The following TMEM135 variants were observed in gnomAD, a reference collection of about 807,000 sequenced individuals.
TMEM135 encodes transmembrane protein 135.
TMEM135 carries 30 observed loss-of-function variants against 60.3 expected under a neutral mutation model. The observed-to-expected ratio is 0.50, with a 90% CI of 0.37 to 0.68. The LOEUF (loss-of-function observed/expected upper bound fraction) is 0.68. TMEM135 is among the 30% of genes least tolerant of loss of function. The pLI is 0.00. For synonymous variants in TMEM135, 190 were observed against 186.7 expected (o/e 1.02, Z -0.14); for missense variants, 468 against 548.8 (o/e 0.85, Z 1.47).
intron 5 of TMEM135, among the ~76,000 whole-genome samples, chr11:87,165,706 C>A (rs1309632866): frequency 1.3e-5 from 2 of 151,396 alleles, no homozygotes; most frequent in Non-Finnish European, 2.9e-5. Context: ...CAAATACATT[C>A]AAAAGCTAGC....
intron 4 of TMEM135, among the ~76,000 whole-genome samples, chr11:87,126,772 A>C (rs890626963): frequency 1.3e-5 from 2 of 152,150 alleles, no homozygotes; most frequent in Non-Finnish European, 2.9e-5. Flanking sequence ...ATTACCTTTA[A>C]TGAAGGCTGG....
chr11:87,320,050 A>G (rs1297836601), intron 14 of TMEM135, among the ~76,000 whole-genome samples: 1 of 152,224 alleles, frequency 6.6e-6, no homozygotes, highest in Non-Finnish European at 1.5e-5. Context: ...GGTAAATTGC[A>G]TGTATGAATT....
At chr11:87,088,338 C>G (rs1278793891) in intron 3 of TMEM135, among the ~76,000 whole-genome samples, 3 of 152,190 alleles carry the variant, frequency 2.0e-5, no homozygotes, top group African/African-American at 7.2e-5. Flanking sequence ...CCAGTTGTGT[C>G]TTGTTGCAAA....
intron 6 of TMEM135, among the ~76,000 whole-genome samples, chr11:87,256,621 G>A (rs868235174): frequency 2.0e-5 from 3 of 152,144 alleles, no homozygotes; most frequent in Non-Finnish European, 4.4e-5. Context: ...TATTTTAGAG[G>A]ACAATGGCCT....
intron 6 of TMEM135, among the ~76,000 whole-genome samples, chr11:87,273,239 C>T (rs534211345): frequency 5.3e-5 from 8 of 152,220 alleles, no homozygotes; most frequent in Admixed American, 4.6e-4. Context: ...AGACACTTTG[C>T]TAAGCCTCCT....
At chr11:87,288,373 C>T (rs1350747154) in intron 6 of TMEM135, among the ~76,000 whole-genome samples, 1 of 152,060 alleles carries the variant, frequency 6.6e-6, no homozygotes, top group East Asian at 1.9e-4. Context: ...CTCTTTGAAC[C>T]TTTGCATGAA....
At chr11:87,220,312 A>G (rs1291177643) in intron 5 of TMEM135, among the ~76,000 whole-genome samples, 1 of 152,206 alleles carries the variant, frequency 6.6e-6, no homozygotes, top group African/African-American at 2.4e-5. Context: ...ATATATAAAC[A>G]TACCTCATTT....
chr11:87,172,061 A>T (rs1434482360), intron 5 of TMEM135, among the ~76,000 whole-genome samples: 1 of 152,102 alleles, frequency 6.6e-6, no homozygotes, highest in Non-Finnish European at 1.5e-5. Flanking sequence ...TGCTTAATTA[A>T]GCCTTTAAAG....
At chr11:87,081,373 G>A (rs1856989818) in intron 3 of TMEM135, among the ~76,000 whole-genome samples, 1 of 151,372 alleles carries the variant, frequency 6.6e-6, no homozygotes, top group South Asian at 2.1e-4. Context: ...TTGCTCTATA[G>A]ACTACAATAT....
chr11:87,107,428 C>T (rs559527442), intron 4 of TMEM135, among the ~76,000 whole-genome samples: 34 of 146,834 alleles, frequency 2.3e-4, no homozygotes, highest in African/African-American at 7.2e-4. Context: ...CCCCACCCCA[C>T]GACAAGCCCT....
chr11:87,133,627 C>T (rs1938001157), intron 4 of TMEM135, among the ~76,000 whole-genome samples: 1 of 152,014 alleles, frequency 6.6e-6, no homozygotes, highest in Non-Finnish European at 1.5e-5. Flanking sequence ...AAACTGTTAC[C>T]ACACTCAAGG....
chr11:87,098,543 A>C (rs1389741754), intron 4 of TMEM135, among the ~76,000 whole-genome samples: 1 of 152,166 alleles, frequency 6.6e-6, no homozygotes, highest in Non-Finnish European at 1.5e-5. Flanking sequence ...GAATCCAGAA[A>C]AATAAATAAC....
At chr11:87,062,584 C>A (rs914600082) in intron 1 of TMEM135, among the ~76,000 whole-genome samples, 8 of 151,764 alleles carry the variant, frequency 5.3e-5, no homozygotes, top group Non-Finnish European at 1.0e-4. Flanking sequence ...CCTGCCTCAG[C>A]CTCCTGAGTA....
At chr11:87,245,169 G>A (rs1206670076) in intron 6 of TMEM135, among the ~76,000 whole-genome samples, 1 of 150,300 alleles carries the variant, frequency 6.7e-6, no homozygotes, top group African/African-American at 2.5e-5. Context: ...TTTTGAGTGA[G>A]TTTCTTAATC....
chr11:87,179,207 C>G (rs939115123), intron 5 of TMEM135, among the ~76,000 whole-genome samples: 1 of 151,732 alleles, frequency 6.6e-6, no homozygotes, highest in African/African-American at 2.4e-5. Context: ...GCCCTTTTTT[C>G]ATGGGGTTTA....
chr11:87,039,996 T>C (rs1949737037), intron 1 of TMEM135, among the ~76,000 whole-genome samples: 1 of 152,230 alleles, frequency 6.6e-6, no homozygotes. Flanking sequence ...TTTACTACTA[T>C]ATCTCCAACA....
At chr11:87,057,951 A>G (rs923048937) in intron 1 of TMEM135, among the ~76,000 whole-genome samples, 9 of 152,174 alleles carry the variant, frequency 5.9e-5, no homozygotes, top group African/African-American at 2.2e-4. Flanking sequence ...CCTGAGTACT[A>G]GAAGAGGACA....
chr11:87,128,728 A>G (rs1253692423), intron 4 of TMEM135, among the ~76,000 whole-genome samples: 1 of 152,222 alleles, frequency 6.6e-6, no homozygotes, highest in Non-Finnish European at 1.5e-5. Context: ...ACATGTACAC[A>G]TCAACCCATT....
At chr11:87,267,335 T>C (rs1473001646) in intron 6 of TMEM135, among the ~76,000 whole-genome samples, 1 of 152,094 alleles carries the variant, frequency 6.6e-6, no homozygotes, top group Non-Finnish European at 1.5e-5. Context: ...GAGAAAGTCC[T>C]AAATGATAAG....
Sources: allele counts gnomAD v4.1 joint callset (sites outside exome capture counted in the v4.1 genomes callset), GRCh38; gene constraint gnomAD v4.1.1; transcripts MANE v1.5; gene names NCBI Gene and HGNC (gene_info 2026-07-23, HGNC 2026-07-21).